Variants in FAM120A observed in about 807,000 individuals in gnomAD.
FAM120A encodes family with sequence similarity 120 member A, also known as constitutive coactivator of PPAR-gamma-like protein 1.
FAM120A carries 15 observed loss-of-function variants against 109.7 expected under a neutral mutation model. The observed-to-expected ratio is 0.14, with a 90% confidence interval of 0.09 to 0.21. FAM120A has a LOEUF of 0.21. Among genes scored for constraint, FAM120A ranks in the 10% least tolerant of loss-of-function variants. The pLI is 1.00. For synonymous variants in FAM120A, 493 were observed against 572.8 expected (o/e 0.86, Z 1.99); for missense variants, 899 against 1,439.3 (o/e 0.62, Z 6.07).
chr9:93,486,737 T>C lies in FAM120A; in HGVS notation c.804+10399T>C, dbSNP rs143536449. Among the ~76,000 whole-genome samples, 1,000 of 152,206 alleles carry C rather than the reference T, an allele frequency of 6.6e-3. 14 individuals are homozygous for C. The highest frequency in any genetic ancestry group is 0.023 in the African/African-American group (966 of 41,524). ...TTAGTAGAGATGGGGTTTCACCATGTTGGCCAGGCTGGCCTCAAACTCCTG... is the reference window on the plus strand; with the variant it reads ...TTAGTAGAGATGGGGTTTCACCATGCTGGCCAGGCTGGCCTCAAACTCCTG... On this transcript the variant is annotated intron_variant, in intron 3 of 17. Transcript: ENST00000277165.
intron 1 of FAM120A, among the ~76,000 whole-genome samples, chr9:93,456,378 T>G (rs1472311112): frequency 6.6e-6 from 1 of 152,242 alleles, no homozygotes; most frequent in East Asian, 1.9e-4. Context: ...CCATTGGAAT[T>G]TTGTTAAATA....
chr9:93,453,274 G>GC, intron 1 of FAM120A: 9 of 988,180 alleles, frequency 9.1e-6, no homozygotes, highest in Non-Finnish European at 1.1e-5. Context: ...TATATCACCG[G>GC]CCTCCTCTGG....
intron 8 of FAM120A, among the ~76,000 whole-genome samples, chr9:93,528,280 C>T (rs1461801792): frequency 6.6e-6 from 1 of 152,098 alleles, no homozygotes; most frequent in Non-Finnish European, 1.5e-5. Context: ...CTAATTTTGG[C>T]ACTTTGTGTT....
At chr9:93,543,069 G>A (rs1358123430) in intron 10 of FAM120A, among the ~76,000 whole-genome samples, 153 bp from the exon 11 acceptor site, 1 of 152,168 alleles carries the variant, frequency 6.6e-6, no homozygotes. Flanking sequence ...TACCCACAAG[G>A]ACTTGATGAT....
chr9:93,501,112 C>T (rs376330227), intron 5 of FAM120A, among the ~76,000 whole-genome samples: 12 of 152,128 alleles, frequency 7.9e-5, no homozygotes, highest in African/African-American at 2.9e-4. Flanking sequence ...CCTGAAGGAG[C>T]GCTCAGAGGT....
At chr9:93,522,208 T>A (rs368298479) in intron 7 of FAM120A, among the ~76,000 whole-genome samples, 332 of 152,382 alleles carry the variant, frequency 2.2e-3, no homozygotes, top group Middle Eastern at 0.017. Flanking sequence ...CAATTTTTAA[T>A]TCTTTGTTTT....
chr9:93,471,167 T>C lies in FAM120A; in HGVS notation c.501T>C (p.His167=), dbSNP rs955854396. ...VKVAQSIEDH[H]QEVIGFCREN... Reference sequence around the variant, plus strand: ...TTGCACAGAGCATTGAGGATCACCATCAGGAAGTGATTGGTTTCTGCAGAG... The same window carrying C: ...TTGCACAGAGCATTGAGGATCACCACCAGGAAGTGATTGGTTTCTGCAGAG... Residue 167 remains histidine (H), a synonymous_variant, in exon 2 of 18, where the codon CAT becomes CAC. Coordinates refer to ENST00000277165, the MANE Select transcript of FAM120A (RefSeq NM_014612.5). 1 of 1,614,200 alleles carries C rather than the reference T, an allele frequency of 6.2e-7. No individual in the cohort carries two copies. The highest frequency in any genetic ancestry group is 8.5e-7 in the Non-Finnish European group (1 of 1,180,020).
At chr9:93,536,550 G>GT (rs1861524796) in intron 10 of FAM120A, among the ~76,000 whole-genome samples, 1 of 152,148 alleles carries the variant, frequency 6.6e-6, no homozygotes, top group Admixed American at 6.5e-5. Flanking sequence ...AAGTCTTAAG[G>GT]GTTTCTTAAA....
chr9:93,510,498 C>T (rs1339583184), intron 5 of FAM120A, among the ~76,000 whole-genome samples: 1 of 152,290 alleles, frequency 6.6e-6, no homozygotes, highest in African/African-American at 2.4e-5. Flanking sequence ...TTCAAAGTAG[C>T]GACCTGGTAG....
At position 93,516,280 on chromosome 9, in the gene FAM120A, C is replaced by T. The variant is rs767960709; in HGVS notation, c.1418+11C>T. Reference sequence around the variant, plus strand: ...CGGAGGGGCGACAAAGTGAGTGGTGCGTGGGTCGCTGGGTGCTTCCTGGCG... The same window carrying T: ...CGGAGGGGCGACAAAGTGAGTGGTGTGTGGGTCGCTGGGTGCTTCCTGGCG... On this transcript the variant is annotated intron_variant, in intron 7 of 17. Coordinates refer to ENST00000277165, the MANE Select transcript of FAM120A (RefSeq NM_014612.5). 2.3e-5 allele frequency: 37 copies of T among 1,604,488 alleles called. No homozygotes were observed. The South Asian group carries it at 2.8e-4, about 12-fold the overall frequency.
At chr9:93,554,645 C>A (rs900339879) in intron 12 of FAM120A, among the ~76,000 whole-genome samples, 1 of 151,922 alleles carries the variant, frequency 6.6e-6, no homozygotes, top group Admixed American at 6.6e-5. Context: ...TGCACTCCAG[C>A]GTGGATGACA....
At position 93,491,112 on chromosome 9, in the gene FAM120A, G is replaced by T. The variant is rs185911963; in HGVS notation, c.805-6359G>T. Among the ~76,000 whole-genome samples the T allele has an allele frequency of 3.6e-3, 551 of 152,316 alleles. 4 individuals carry two copies. Among genetic ancestry groups the T allele is most frequent in the African/African-American group, 0.012 (511 of 41,572 alleles). ...AGATGAGGCCAGGGGCTCACCCTGC[G>T]TGGCCACAGCAGAAGTCCAGCCAGT... On this transcript the variant is annotated intron_variant, in intron 3 of 17. Coordinates refer to ENST00000277165, the MANE Select transcript of FAM120A (RefSeq NM_014612.5).
chr9:93,471,059 T>C, intron 1 of FAM120A, 82 bp from the exon 2 acceptor site: 1 of 1,495,016 alleles, frequency 6.7e-7, no homozygotes, highest in Non-Finnish European at 9.1e-7. Context: ...ATTTTTCAGC[T>C]TCTGTGCAAA....
In FAM120A at chr9:93,516,899, T is replaced by C. The variant is rs117518486; in HGVS notation, c.1418+630T>C. Among the ~76,000 whole-genome samples the C allele has an allele frequency of 9.4e-3, 1,426 of 152,340 alleles. 19 individuals carry two copies. The highest frequency in any genetic ancestry group is 0.01 in the Non-Finnish European group (689 of 68,028). On this transcript the variant is annotated intron_variant, in intron 7 of 17. Coordinates refer to ENST00000277165, the MANE Select transcript of FAM120A (RefSeq NM_014612.5). ...CACTCCTCCCTTTCTTTAAATTGTC[T>C]TATGTTTAAAACAAAAAAAACAGGG...
intron 1 of FAM120A, among the ~76,000 whole-genome samples, chr9:93,462,884 T>G (rs1334057482): frequency 2.0e-5 from 3 of 152,228 alleles, no homozygotes; most frequent in Non-Finnish European, 4.4e-5. Flanking sequence ...TAAGGCTCAA[T>G]AACATTCTGT....
In FAM120A at chr9:93,509,783, A is replaced by G. The variant is rs141240756; in HGVS notation, c.1031-5884A>G. 3.1e-4 allele frequency among the ~76,000 whole-genome samples: 47 copies of G among 152,346 alleles called. 1 individual carries two copies. The East Asian group carries it at 7.9e-3, about 26-fold the overall frequency. On this transcript the variant is annotated intron_variant, in intron 5 of 17. Transcript: ENST00000277165. ...TGGTGGCGTACCTACTTCAGGTTAT[A>G]CAAATGGCAACCTGTGCTTCAGATC...
chr9:93,506,749 C>A (rs1330836492), intron 5 of FAM120A, among the ~76,000 whole-genome samples: 2 of 152,096 alleles, frequency 1.3e-5, no homozygotes, highest in Non-Finnish European at 2.9e-5. Flanking sequence ...AGGTGCCTGC[C>A]ACCATGCCCG....
At chr9:93,496,326 G>A (rs1409207945) in intron 3 of FAM120A, among the ~76,000 whole-genome samples, 1 of 152,222 alleles carries the variant, frequency 6.6e-6, no homozygotes, top group African/African-American at 2.4e-5. Context: ...TTTTCAATGT[G>A]CTTAGCCCAG....
In FAM120A at chr9:93,478,621, C is replaced by T. The variant is rs1858651969; in HGVS notation, c.804+2283C>T. Among the ~76,000 whole-genome samples, 4 of 152,154 alleles carry T rather than the reference C, an allele frequency of 2.6e-5. No individual in the cohort carries two copies. In the South Asian group the frequency reaches 6.2e-4, roughly 24 times the overall value. ...CCTTCCAAGTAGCTGGGATTACAGG[C>T]GCCTGCCACCACGCCAGCTAATTTT... On this transcript the variant is annotated intron_variant, in intron 3 of 17. Transcript: ENST00000277165.
Sources: gnomAD v4.1 joint callset for allele counts (sites outside exome capture counted in the v4.1 genomes callset) on GRCh38, gnomAD v4.1.1 for gene constraint, MANE v1.5 for transcripts, NCBI Gene and HGNC (gene_info 2026-07-23, HGNC 2026-07-21) for gene names.